Variants in DCAF17 observed in about 807,000 individuals in gnomAD.
DCAF17 encodes DDB1 and CUL4 associated factor 17, also known as DDB1- and CUL4-associated factor 17.
A neutral mutation model predicts 66.0 loss-of-function variants in DCAF17; 48 were observed. The observed-to-expected ratio is 0.73, with a 90% CI of 0.58 to 0.92. The LOEUF (loss-of-function observed/expected upper bound fraction) is 0.92, where lower values mean the gene tolerates loss of function less well. Among genes scored for constraint, DCAF17 ranks in the 40% least tolerant of loss-of-function variants. The pLI is 0.00. For missense variants in DCAF17, 562 were observed against 622.8 expected, an observed-to-expected ratio of 0.90 and a Z score of 1.04; for synonymous variants, 206 against 214.6, an observed-to-expected ratio of 0.96 and a Z score of 0.35.
chr2:171,455,919 G>A (rs1290404560), intron 6 of DCAF17, among the ~76,000 whole-genome samples: 4 of 151,824 alleles, frequency 2.6e-5, no homozygotes, highest in Non-Finnish European at 5.9e-5. Flanking sequence ...TTAGACCTTT[G>A]TCAGAGGTAT....
At chr2:171,449,802 TATAAA>T (rs2105753082) in intron 4 of DCAF17, 72 bp from the exon 5 acceptor site, 3 of 886,172 alleles carry the variant, frequency 3.4e-6, no homozygotes, top group Middle Eastern at 3.5e-4. Flanking sequence ...ATAGTTTACT[TATAAA>T]ATATAATATT....
chr2:171,462,294 TAAC>T (rs1325472460), intron 8 of DCAF17, among the ~76,000 whole-genome samples: 1 of 152,070 alleles, frequency 6.6e-6, no homozygotes, highest in Admixed American at 6.5e-5. Context: ...CCAACTCAAA[TAAC>T]AACAGGAGAC....
At chr2:171,470,904 A>G (rs1696209811) in intron 9 of DCAF17, among the ~76,000 whole-genome samples, 1 of 152,154 alleles carries the variant, frequency 6.6e-6, no homozygotes, top group Admixed American at 6.5e-5. Flanking sequence ...AAAAAAAAGG[A>G]TGGTATAAGG....
chr2:171,473,136 C>A (rs1346805597), intron 9 of DCAF17, among the ~76,000 whole-genome samples: 3 of 152,100 alleles, frequency 2.0e-5, no homozygotes, highest in African/African-American at 2.4e-5. Context: ...ATGTCTGAGG[C>A]TTTAGGTTTG....
intron 2 of DCAF17, among the ~76,000 whole-genome samples, chr2:171,442,459 G>A (rs1472747064): frequency 1.3e-5 from 2 of 151,634 alleles, no homozygotes; most frequent in Middle Eastern, 6.3e-3. Context: ...AGCTACTCAG[G>A]AGGCTGAGGC....
At chr2:171,442,875 A>C (rs182770006) in intron 2 of DCAF17, among the ~76,000 whole-genome samples, 12 of 151,858 alleles carry the variant, frequency 7.9e-5, no homozygotes, top group African/African-American at 2.7e-4. Context: ...AAACTGTCTC[A>C]AAAAAAAGGA....
intron 6 of DCAF17, among the ~76,000 whole-genome samples, chr2:171,454,202 A>G (rs1695113445): frequency 6.6e-6 from 1 of 151,904 alleles, no homozygotes; most frequent in Non-Finnish European, 1.5e-5. Context: ...AAAAGCAGCT[A>G]CCTAAATCCT....
rs1257057630 is a variant in DCAF17 at position 171,481,585 on chromosome 2, T to C, written c.*471T>C. On this transcript the variant is annotated 3_prime_UTR_variant, in exon 14 of 14. Transcript: ENST00000375255. ...GCTTAAGGATGAGAAATGAGATGTGTTATGTGAGAACATTATTTTGAGCCC... is the reference window on the plus strand; with the variant it reads ...GCTTAAGGATGAGAAATGAGATGTGCTATGTGAGAACATTATTTTGAGCCC... The C allele has an allele frequency of 2.2e-6, 1 of 454,092 alleles. No individual in the cohort carries two copies. The highest frequency in any genetic ancestry group is 2.3e-5 in the Admixed American group (1 of 42,562). 28.1% of individuals were successfully genotyped at this position (454,092 alleles called of 1,614,324 possible). A position where few individuals can be genotyped will look rare whatever the true frequency, so the allele number is the denominator to read the frequency against.
intron 8 of DCAF17, among the ~76,000 whole-genome samples, 174 bp from the exon 9 acceptor site, chr2:171,468,714 C>A (rs1696066665): frequency 6.6e-6 from 1 of 152,166 alleles, no homozygotes; most frequent in Admixed American, 6.5e-5. Context: ...CTGGCTGTTT[C>A]TTTTCTTACA....
chr2:171,466,051 G>A (rs578139248), intron 8 of DCAF17, among the ~76,000 whole-genome samples: 2 of 152,002 alleles, frequency 1.3e-5, no homozygotes, highest in South Asian at 4.2e-4. Flanking sequence ...TTTAGTAGAG[G>A]TGAGGTTTTG....
At chr2:171,454,140 A>G (rs534266970) in intron 6 of DCAF17, among the ~76,000 whole-genome samples, 1 of 152,204 alleles carries the variant, frequency 6.6e-6, no homozygotes, top group Non-Finnish European at 1.5e-5. Context: ...ACTACACTCC[A>G]GCCTGGGTGA....
intron 11 of DCAF17, 45 bp downstream of exon 11, chr2:171,476,995 C>T: frequency 7.5e-7 from 1 of 1,339,414 alleles, no homozygotes. Context: ...CATTGTCTTT[C>T]TATATAAGAC....
chr2:171,478,933 G>A (rs765263586), intron 12 of DCAF17, among the ~76,000 whole-genome samples: 9 of 152,266 alleles, frequency 5.9e-5, no homozygotes, highest in Non-Finnish European at 1.3e-4. Flanking sequence ...ATTCATTAAG[G>A]GGGGAGAGGT....
chr2:171,477,881 T>G, intron 11 of DCAF17, 106 bp from the exon 12 acceptor site: 1 of 834,196 alleles, frequency 1.2e-6, no homozygotes, highest in Non-Finnish European at 2.0e-6. Flanking sequence ...GAATTGTGGA[T>G]GTGGGAGAAG....
chr2:171,440,960 A>C (rs1353235887), intron 2 of DCAF17, among the ~76,000 whole-genome samples: 1 of 152,200 alleles, frequency 6.6e-6, no homozygotes, highest in Admixed American at 6.5e-5. Context: ...CTTGGACCAG[A>C]AACCAGAATT....
chr2:171,449,838 A>AG (rs1224322193), intron 4 of DCAF17, 41 bp from the exon 5 acceptor site: 1 of 1,517,324 alleles, frequency 6.6e-7, no homozygotes, highest in East Asian at 2.3e-5. Flanking sequence ...GTATAAGGAA[A>AG]CTGACCCAAA....
intron 9 of DCAF17, among the ~76,000 whole-genome samples, chr2:171,470,727 G>A (rs1323587304): frequency 6.6e-6 from 1 of 152,090 alleles, no homozygotes; most frequent in Non-Finnish European, 1.5e-5. Flanking sequence ...GTGAAATCCT[G>A]CACAGTTCAC....
chr2:171,478,153 G>C, intron 12 of DCAF17, 83 bp downstream of exon 12: 1 of 1,305,732 alleles, frequency 7.7e-7, no homozygotes, highest in Non-Finnish European at 1.1e-6. Context: ...CCATATCCTG[G>C]GGTAGAGGTT....
intron 3 of DCAF17, 34 bp from the exon 4 acceptor site, chr2:171,448,647 A>G (rs1694773642): frequency 3.9e-6 from 6 of 1,520,072 alleles, no homozygotes; most frequent in South Asian, 1.3e-5. Context: ...ATGGCCAAGC[A>G]GTTTCATTTT....
Sources: allele counts gnomAD v4.1 joint callset (sites outside exome capture counted in the v4.1 genomes callset), GRCh38; gene constraint gnomAD v4.1.1; transcripts MANE v1.5; gene names NCBI Gene and HGNC (gene_info 2026-07-23, HGNC 2026-07-21).